The following EYS variants were observed in gnomAD, a reference collection of about 807,000 sequenced individuals.
EYS encodes the protein EGF-like photoreceptor maintenance factor.
In EYS, 250 loss-of-function variants were observed where a neutral mutation model predicts 282.1. The observed-to-expected ratio is 0.89, with a 90% CI of 0.80 to 0.98. EYS has a LOEUF of 0.98. Ranked by LOEUF, EYS falls within the 50% of genes least tolerant of loss-of-function variation. The pLI is 0.00. For missense variants in EYS, 4,016 were observed against 3,709.0 expected, an observed-to-expected ratio of 1.08 and a Z score of -2.15; for synonymous variants, 1,355 against 1,282.9, an observed-to-expected ratio of 1.06 and a Z score of -1.20.
At chr6:65,517,859 T>C (rs1159018469) in intron 2 of EYS, among the ~76,000 whole-genome samples, 1 of 152,030 alleles carries the variant, frequency 6.6e-6, no homozygotes, top group South Asian at 2.1e-4. Flanking sequence ...TGAGGCAGGA[T>C]AGTAAAAATT....
rs890700113 is a variant in EYS at position 65,409,698 on chromosome 6, T to C, written c.863-4331A>G. Among the ~76,000 whole-genome samples the C allele has an allele frequency of 5.3e-5, 8 of 152,250 alleles. No individual in the cohort carries two copies. In the East Asian group the frequency reaches 1.5e-3, roughly 29 times the overall value. ...AGTTTTTAGTAAACAACATATTTAT[T>C]GAAAAATTTCTTATATCCAACTCAT... On this transcript the variant is annotated intron_variant, in intron 5 of 42. Transcript: ENST00000503581.
At chr6:64,909,945 G>T (rs1169803076) in intron 16 of EYS, among the ~76,000 whole-genome samples, 1 of 152,008 alleles carries the variant, frequency 6.6e-6, no homozygotes, top group Non-Finnish European at 1.5e-5. Context: ...CAGTCGCATT[G>T]TTACTCTGGC....
At chr6:65,497,691 CACTTA>C (rs1766303888) in intron 2 of EYS, among the ~76,000 whole-genome samples, 1 of 152,052 alleles carries the variant, frequency 6.6e-6, no homozygotes, top group Admixed American at 6.6e-5. Flanking sequence ...AATAAATCCT[CACTTA>C]ACTTTGTCCA....
intron 19 of EYS, among the ~76,000 whole-genome samples, chr6:64,872,490 A>G (rs1766624529): frequency 2.6e-5 from 4 of 152,136 alleles, no homozygotes; most frequent in African/African-American, 9.6e-5. Flanking sequence ...AGGACATAGG[A>G]TCCAGCCCAA....
chr6:64,537,328 G>C (rs1483254138), intron 26 of EYS, among the ~76,000 whole-genome samples: 2 of 151,172 alleles, frequency 1.3e-5, no homozygotes, highest in African/African-American at 4.9e-5. Context: ...CCCTACAAAG[G>C]ACATGAACTC....
At chr6:65,348,827 T>G (rs74462754) in intron 9 of EYS, among the ~76,000 whole-genome samples, 1,971 of 151,828 alleles carry the variant, frequency 0.013, 45 homozygotes, top group African/African-American at 0.044. Context: ...TGTTTTCTTT[T>G]AGTAGTTTCA....
chr6:63,973,952 A>C (rs1000696505), intron 35 of EYS, among the ~76,000 whole-genome samples: 1 of 134,950 alleles, frequency 7.4e-6, no homozygotes, highest in African/African-American at 2.8e-5. Context: ...TCTACCAGCA[A>C]ATGGGCCAGG....
Position 64,192,933 on chromosome 6 carries a change from CTGTG to C in EYS, c.6424+37655_6424+37658del, listed in dbSNP as rs2150317502. Among the ~76,000 whole-genome samples, 2 of 152,304 alleles carry C rather than the reference CTGTG, an allele frequency of 1.3e-5. 1 individual carries two copies. Among genetic ancestry groups the C allele is most frequent in the Admixed American group, 1.3e-4 (2 of 15,300 alleles). ...ACTCTTCAATAAATCATGTTTCTCT[CTGTG>C]TGTGAGTTTGTTTGTACTCTAGGCA... On this transcript the variant is annotated intron_variant, in intron 31 of 42. Coordinates refer to ENST00000503581, the MANE Select transcript of EYS (RefSeq NM_001142800.2).
intron 19 of EYS, among the ~76,000 whole-genome samples, chr6:64,832,908 T>C (rs1274492112): frequency 2.0e-5 from 3 of 151,914 alleles, no homozygotes; most frequent in African/African-American, 7.2e-5. Context: ...AGGACATTCT[T>C]TAGTTCAAAG....
Position 64,000,184 on chromosome 6 carries a change from T to TCAG in EYS, c.6726-1002_6726-1001insCTG, listed in dbSNP as rs1394242941. Among the ~76,000 whole-genome samples the TCAG allele has an allele frequency of 3.6e-4, 33 of 91,606 alleles. 1 individual carries two copies. Among genetic ancestry groups the TCAG allele is most frequent in the Middle Eastern group, 4.3e-3 (1 of 232 alleles). The allele number at this position is 91,606 out of a possible 152,430, so 60.1% of individuals were successfully genotyped here. On this transcript the variant is annotated intron_variant, in intron 33 of 42. Coordinates refer to ENST00000503581, the MANE Select transcript of EYS (RefSeq NM_001142800.2). Reference sequence around the variant, plus strand: ...GACATGGGACTTTTTTTTTTTTTTTTTTTTTTTTTTTTTTTTTTTTTTTTT... The same window carrying TCAG: ...GACATGGGACTTTTTTTTTTTTTTTTCAGTTTTTTTTTTTTTTTTTTTTTTTTT...
chr6:63,826,903 C>T (rs957560406), intron 36 of EYS, among the ~76,000 whole-genome samples: 1 of 139,502 alleles, frequency 7.2e-6, no homozygotes, highest in Non-Finnish European at 1.6e-5. Flanking sequence ...CAACAAAGAG[C>T]ACAATGAAAG....
chr6:64,574,985 T>C (rs773514469), intron 26 of EYS, among the ~76,000 whole-genome samples: 1 of 152,230 alleles, frequency 6.6e-6, no homozygotes, highest in Admixed American at 6.5e-5. Context: ...TAGAGAGTGA[T>C]AGAGGCACTA....
chr6:65,430,997 A>G (rs2150384087), intron 5 of EYS, among the ~76,000 whole-genome samples: 1 of 152,318 alleles, frequency 6.6e-6, no homozygotes, highest in Non-Finnish European at 1.5e-5. Context: ...TCTTGAGGAA[A>G]GCAGAGGAAA....
intron 30 of EYS, among the ~76,000 whole-genome samples, chr6:64,235,745 G>A (rs1173265295): frequency 1.3e-5 from 2 of 152,102 alleles, no homozygotes; most frequent in Admixed American, 1.3e-4. Flanking sequence ...ATCCTCTCCA[G>A]CACCTGTTGT....
intron 2 of EYS, among the ~76,000 whole-genome samples, chr6:65,631,029 G>A (rs1196921394): frequency 6.6e-6 from 1 of 152,028 alleles, no homozygotes; most frequent in Non-Finnish European, 1.5e-5. Flanking sequence ...TAACTCATTA[G>A]GAATATTTTT....
rs577245887 is a variant in EYS at position 65,537,863 on chromosome 6, G to A, written c.-332-41870C>T. 9.0e-4 allele frequency among the ~76,000 whole-genome samples: 137 copies of A among 152,314 alleles called. No homozygotes were observed. In the Middle Eastern group the frequency reaches 0.014, roughly 15 times the overall value. On this transcript the variant is annotated intron_variant, in intron 2 of 42. Coordinates refer to ENST00000503581, the MANE Select transcript of EYS (RefSeq NM_001142800.2). ...ATATGAAGACAGATTGGACTTTGCT[G>A]ATAGCAGGATCCCTGCAGTAAGTGC...
intron 15 of EYS, among the ~76,000 whole-genome samples, chr6:64,940,034 C>G (rs572410383): frequency 6.6e-6 from 1 of 152,104 alleles, no homozygotes; most frequent in South Asian, 2.1e-4. Context: ...TCACTTCTTT[C>G]TTGTCTTTTC....
chr6:65,384,029 A>G (rs1155668), intron 8 of EYS, among the ~76,000 whole-genome samples: 62,636 of 151,608 alleles, frequency 0.41, 13,941 homozygotes, highest in South Asian at 0.5. Context: ...CTAAAAAAGC[A>G]TATTTTGTGG....
intron 31 of EYS, among the ~76,000 whole-genome samples, chr6:64,138,147 G>A (rs1035862847): frequency 2.0e-5 from 3 of 152,156 alleles, no homozygotes; most frequent in Non-Finnish European, 4.4e-5. Context: ...TGTGTCTGTT[G>A]AAACAGAACT....
Sources: gnomAD v4.1 joint callset for allele counts (sites outside exome capture counted in the v4.1 genomes callset) on GRCh38, gnomAD v4.1.1 for gene constraint, MANE v1.5 for transcripts, NCBI Gene and HGNC (gene_info 2026-07-23, HGNC 2026-07-21) for gene names.